The following DYM variants were observed in gnomAD, a reference collection of about 807,000 sequenced individuals.
The protein encoded by DYM is dymeclin.
DYM carries 78 observed loss-of-function variants against 93.1 expected under a neutral mutation model. The observed-to-expected ratio is 0.84, with a 90% confidence interval of 0.70 to 1.01. The LOEUF is 1.01. Ranked by LOEUF, DYM falls within the 50% of genes least tolerant of loss-of-function variation. The pLI, the probability that DYM is intolerant of heterozygous loss-of-function variation, is 0.00. For synonymous variants in DYM, 321 were observed against 319.7 expected, an observed-to-expected ratio of 1.00 and a Z score of -0.04; for missense variants, 789 against 845.0, an observed-to-expected ratio of 0.93 and a Z score of 0.82.
Position 49,340,204 on chromosome 18 carries a change from G to A in DYM, c.495-6351C>T, listed in dbSNP as rs998888245. 2.0e-5 allele frequency among the ~76,000 whole-genome samples: 3 copies of A among 151,910 alleles called. No homozygotes were observed. The East Asian group carries it at 5.8e-4, about 29-fold the overall frequency. ...CCTGATCTCGTGATCCGCCCGCCTC[G>A]GCCTACCAAAGTGCTGGGATTACAA... On this transcript the variant is annotated intron_variant, in intron 6 of 17. Transcript: ENST00000675505.
chr18:49,335,812 C>T (rs1052594983), intron 6 of DYM, among the ~76,000 whole-genome samples: 1 of 147,208 alleles, frequency 6.8e-6, no homozygotes, highest in African/African-American at 2.5e-5. Flanking sequence ...CGTTTTCTGT[C>T]TTTTTTTTTT....
chr18:49,327,259 T>C (rs528505992), intron 8 of DYM, among the ~76,000 whole-genome samples: 2 of 151,914 alleles, frequency 1.3e-5, no homozygotes, highest in African/African-American at 2.4e-5. Context: ...TGCAGATAAA[T>C]GGGAAAAAAA....
intron 3 of DYM, among the ~76,000 whole-genome samples, chr18:49,385,900 T>C (rs1200727958): frequency 6.6e-6 from 1 of 151,754 alleles, no homozygotes; most frequent in Non-Finnish European, 1.5e-5. Context: ...AAAAAGGCAA[T>C]GAATTTCCCA....
chr18:49,155,033 AT>A (rs1354024198), intron 15 of DYM, among the ~76,000 whole-genome samples: 1 of 152,226 alleles, frequency 6.6e-6, no homozygotes, highest in Non-Finnish European at 1.5e-5. Flanking sequence ...CATTTAAAAA[AT>A]AGCTGTAGAA....
chr18:49,170,671 T>A (rs894582171), intron 14 of DYM, among the ~76,000 whole-genome samples: 1 of 148,770 alleles, frequency 6.7e-6, no homozygotes, highest in African/African-American at 2.5e-5. Flanking sequence ...TCCCAGCTAC[T>A]CAGGAGGCTG....
chr18:49,056,554 T>C (rs2075500137), intron 17 of DYM, among the ~76,000 whole-genome samples: 1 of 152,228 alleles, frequency 6.6e-6, no homozygotes, highest in African/African-American at 2.4e-5. Flanking sequence ...TTATTATTTT[T>C]AAAGACAGAG....
chr18:49,134,272 T>C (rs2083635974), intron 15 of DYM, among the ~76,000 whole-genome samples: 1 of 152,186 alleles, frequency 6.6e-6, no homozygotes, highest in South Asian at 2.1e-4. Context: ...AATCTAGACA[T>C]TTATGAAGAT....
intron 14 of DYM, among the ~76,000 whole-genome samples, chr18:49,204,510 T>C (rs1458224131): frequency 6.6e-6 from 1 of 152,248 alleles, no homozygotes; most frequent in Non-Finnish European, 1.5e-5. Context: ...GGTACTTTCT[T>C]ACTTCACAGA....
intron 3 of DYM, among the ~76,000 whole-genome samples, chr18:49,388,841 G>A (rs190766269): frequency 2.2e-4 from 33 of 148,062 alleles, no homozygotes; most frequent in East Asian, 3.9e-4. Flanking sequence ...ATAAATTAAC[G>A]TCTATCTAAA....
At chr18:49,233,388 G>C (rs923900614) in intron 13 of DYM, among the ~76,000 whole-genome samples, 2 of 150,444 alleles carry the variant, frequency 1.3e-5, no homozygotes, top group Admixed American at 1.3e-4. Flanking sequence ...AACACCTTTC[G>C]CAGAACAGTC....
At chr18:49,181,696 A>G (rs1425350998) in intron 14 of DYM, among the ~76,000 whole-genome samples, 2 of 152,182 alleles carry the variant, frequency 1.3e-5, no homozygotes, top group African/African-American at 4.8e-5. Context: ...TGTTCAAGAT[A>G]CAGCCCAAAA....
rs534914105 is a variant in DYM at position 49,069,995 on chromosome 18, C to T, written c.2026-25791G>A. On this transcript the variant is annotated intron_variant, in intron 17 of 17. Coordinates refer to ENST00000675505, the MANE Select transcript of DYM (RefSeq NM_001353214.3). Reference sequence around the variant, plus strand: ...GGTGCAGGTTGTGGTGAGCCAAGATCGCGCCACAGCACTCCCGCCTGGGCA... The same window carrying T: ...GGTGCAGGTTGTGGTGAGCCAAGATTGCGCCACAGCACTCCCGCCTGGGCA... Among the ~76,000 whole-genome samples, 83 of 152,292 alleles carry T rather than the reference C, an allele frequency of 5.5e-4. 1 individual carries two copies. The highest frequency in any genetic ancestry group is 1.4e-3 in the Admixed American group (22 of 15,300).
At chr18:49,311,663 T>C (rs2061597747) in intron 8 of DYM, among the ~76,000 whole-genome samples, 1 of 132,462 alleles carries the variant, frequency 7.5e-6, no homozygotes, top group Non-Finnish European at 1.5e-5. Flanking sequence ...CACTCATAGG[T>C]GGGAACTGAA....
rs182447278 is a variant in DYM, at chr18:49,092,175, G to A, written c.2025+5227C>T. ...TTTGAAAACCACTAATTACTTTACT[G>A]TACCATTAAATAATACAAGCCACAT... is the stretch of plus-strand genomic sequence containing the variant. On this transcript the variant is annotated intron_variant, in intron 17 of 17. Coordinates refer to ENST00000675505, the MANE Select transcript of DYM (RefSeq NM_001353214.3). Among the ~76,000 whole-genome samples the A allele has an allele frequency of 9.9e-4, 151 of 152,270 alleles. 1 individual carries two copies. Among genetic ancestry groups the A allele is most frequent in the African/African-American group, 3.5e-3 (144 of 41,548 alleles).
intron 6 of DYM, among the ~76,000 whole-genome samples, chr18:49,339,884 T>C (rs901704602): frequency 1.3e-5 from 2 of 152,198 alleles, no homozygotes; most frequent in Non-Finnish European, 2.9e-5. Flanking sequence ...ATGAATTAAA[T>C]AAGTAAAATG....
At chr18:49,212,332 G>A (rs1264377786) in intron 13 of DYM, among the ~76,000 whole-genome samples, 1 of 151,908 alleles carries the variant, frequency 6.6e-6, no homozygotes, top group Non-Finnish European at 1.5e-5. Flanking sequence ...TTATTTTTAA[G>A]AAATACACCA....
intron 2 of DYM, among the ~76,000 whole-genome samples, chr18:49,423,157 C>T (rs1568419483): frequency 6.6e-6 from 1 of 152,158 alleles, no homozygotes; most frequent in Non-Finnish European, 1.5e-5. Flanking sequence ...AAGCACTCCT[C>T]AGCAAATGTA....
At chr18:49,196,694 C>T (rs1305787344) in intron 14 of DYM, among the ~76,000 whole-genome samples, 1 of 152,028 alleles carries the variant, frequency 6.6e-6, no homozygotes, top group East Asian at 1.9e-4. Flanking sequence ...GTGAGCAACT[C>T]CTGGAAGAGA....
Position 49,043,647 on chromosome 18 carries a change from T to C in DYM, c.*408A>G, listed in dbSNP as rs2071095786. ...CACACATAAGACCAAAACAAATATC[T>C]TGAACATGCAAAAAAATAGTCTACG... On this transcript the variant is annotated 3_prime_UTR_variant, in exon 18 of 18. Coordinates refer to ENST00000675505, the MANE Select transcript of DYM (RefSeq NM_001353214.3). 1 of 173,490 alleles carries C rather than the reference T, an allele frequency of 5.8e-6. No individual in the cohort carries two copies. Among genetic ancestry groups the C allele is most frequent in the Non-Finnish European group, 1.2e-5 (1 of 80,094 alleles). The allele number at this position is 173,490 out of a possible 1,614,324, so 10.7% of individuals were successfully genotyped here. A position where few individuals can be genotyped will look rare whatever the true frequency, so the allele number is the denominator to read the frequency against.
Sources: gnomAD v4.1 joint callset for allele counts (sites outside exome capture counted in the v4.1 genomes callset) on GRCh38, gnomAD v4.1.1 for gene constraint, MANE v1.5 for transcripts, NCBI Gene and HGNC (gene_info 2026-07-23, HGNC 2026-07-21) for gene names.